The following CAMTA1 variants were observed in gnomAD, a reference collection of about 807,000 sequenced individuals.
CAMTA1 encodes the protein calmodulin binding transcription activator 1, also known as calmodulin-binding transcription activator 1.
CAMTA1 carries 27 observed loss-of-function variants against 170.9 expected under a neutral mutation model. The ratio of observed to expected loss-of-function variants is 0.16; its 90% CI spans 0.12 to 0.22. CAMTA1 has a LOEUF of 0.22. Among genes scored for constraint, CAMTA1 ranks in the 10% least tolerant of loss-of-function variants. CAMTA1 has a pLI of 1.00. For synonymous variants in CAMTA1, 833 were observed against 891.5 expected, an observed-to-expected ratio of 0.93 and a Z score of 1.17; for missense variants, 1,619 against 2,217.2, an observed-to-expected ratio of 0.73 and a Z score of 5.42.
intron 20 of CAMTA1, 54 bp downstream of exon 20, chr1:7,751,446 C>G: frequency 6.9e-7 from 1 of 1,459,814 alleles, no homozygotes; most frequent in South Asian, 1.4e-5. Flanking sequence ...AGAACTCTGA[C>G]TTCTTTGAAA....
chr1:6,905,490 C>T (rs1485113536), intron 3 of CAMTA1, among the ~76,000 whole-genome samples: 4 of 152,116 alleles, frequency 2.6e-5, no homozygotes, highest in East Asian at 3.9e-4. Flanking sequence ...CCACTATGCC[C>T]GGCCTGCTCC....
chr1:7,021,968 C>T (rs1459726400), intron 3 of CAMTA1, among the ~76,000 whole-genome samples: 1 of 152,132 alleles, frequency 6.6e-6, no homozygotes, highest in Non-Finnish European at 1.5e-5. Context: ...ACAGCCCTTG[C>T]ATTTGTCCCA....
At chr1:6,854,637 T>C (rs1414191828) in intron 3 of CAMTA1, among the ~76,000 whole-genome samples, 2 of 152,250 alleles carry the variant, frequency 1.3e-5, no homozygotes, top group Non-Finnish European at 2.9e-5. Context: ...ATTGTTGATT[T>C]ATAGAGTAAA....
intron 3 of CAMTA1, among the ~76,000 whole-genome samples, chr1:6,942,848 G>A (rs1686879981): frequency 1.3e-5 from 2 of 152,174 alleles, no homozygotes; most frequent in South Asian, 4.1e-4. Flanking sequence ...GGCCAGACAC[G>A]ATGTTTGCGT....
intron 3 of CAMTA1, among the ~76,000 whole-genome samples, chr1:7,035,017 A>G (rs1250536594): frequency 6.6e-6 from 1 of 152,226 alleles, no homozygotes. Context: ...GACAACCATC[A>G]TACTTTAGAT....
intron 3 of CAMTA1, among the ~76,000 whole-genome samples, chr1:6,879,124 G>C (rs1230096872): frequency 6.6e-6 from 1 of 152,056 alleles, no homozygotes; most frequent in South Asian, 2.1e-4. Context: ...TGTTATACCG[G>C]GATAAATATA....
intron 17 of CAMTA1, 59 bp from the exon 18 acceptor site, chr1:7,745,786 C>G (rs1558285130): frequency 1.9e-6 from 3 of 1,601,938 alleles, no homozygotes; most frequent in East Asian, 4.5e-5. Flanking sequence ...TCATTAATAT[C>G]TAATGGGTGG....
chr1:7,568,282 T>TCATCATCATCACCACATCAC (rs2095070193), intron 6 of CAMTA1, among the ~76,000 whole-genome samples: 1 of 141,264 alleles, frequency 7.1e-6, no homozygotes, highest in African/African-American at 2.7e-5. Flanking sequence ...ATCATCATCA[T>TCATCATCATCACCACATCAC]CATCATCACC....
At position 7,334,435 on chromosome 1, in the gene CAMTA1, T is replaced by C. The variant is rs185508873; in HGVS notation, c.438+84809T>C. ...CCACCTCCTGGAGGCAGTCAGTTCT[T>C]TTGGATGCGGAAACGGAATTTCTGC... On this transcript the variant is annotated intron_variant, in intron 5 of 22. Transcript: ENST00000303635. Among the ~76,000 whole-genome samples the C allele has an allele frequency of 1.4e-3, 208 of 152,330 alleles. 1 individual carries two copies. Among genetic ancestry groups the C allele is most frequent in the African/African-American group, 4.8e-3 (198 of 41,574 alleles).
At chr1:7,088,918 GA>G (rs1213973787) in intron 3 of CAMTA1, among the ~76,000 whole-genome samples, 5 of 152,218 alleles carry the variant, frequency 3.3e-5, no homozygotes, top group Non-Finnish European at 5.9e-5. Flanking sequence ...AGCCAAATGA[GA>G]ACCAATTGAC....
At chr1:7,369,717 A>G (rs2086290072) in intron 5 of CAMTA1, among the ~76,000 whole-genome samples, 1 of 152,000 alleles carries the variant, frequency 6.6e-6, no homozygotes, top group Admixed American at 6.5e-5. Flanking sequence ...AGCTACCCAC[A>G]TGTCTTCAGC....
At chr1:7,200,342 A>G (rs1231063653) in intron 4 of CAMTA1, among the ~76,000 whole-genome samples, 1 of 152,276 alleles carries the variant, frequency 6.6e-6, no homozygotes, top group Non-Finnish European at 1.5e-5. Flanking sequence ...CAGTACAAAT[A>G]TCAAAGTCAG....
At chr1:7,522,160 A>C (rs974530209) in intron 6 of CAMTA1, among the ~76,000 whole-genome samples, 1 of 152,290 alleles carries the variant, frequency 6.6e-6, no homozygotes, top group Non-Finnish European at 1.5e-5. Flanking sequence ...CCAGCATTTG[A>C]TGTTGTCACT....
intron 11 of CAMTA1, among the ~76,000 whole-genome samples, chr1:7,704,235 G>A (rs2096478355): frequency 6.8e-6 from 1 of 146,704 alleles, no homozygotes; most frequent in Admixed American, 6.8e-5. Flanking sequence ...GCGGAGCTTC[G>A]GGCGGCCCCG....
intron 5 of CAMTA1, among the ~76,000 whole-genome samples, chr1:7,265,541 T>C (rs1407588155): frequency 6.6e-6 from 1 of 152,192 alleles, no homozygotes; most frequent in Non-Finnish European, 1.5e-5. Flanking sequence ...CTCGAACTCC[T>C]GACCTCAAGT....
At chr1:7,025,847 T>C (rs1288376713) in intron 3 of CAMTA1, among the ~76,000 whole-genome samples, 2 of 152,158 alleles carry the variant, frequency 1.3e-5, no homozygotes, top group Non-Finnish European at 1.5e-5. Context: ...CTGGGTAAAA[T>C]TGCTCATGCC....
At chr1:6,816,848 G>A (rs1391538433) in intron 1 of CAMTA1, among the ~76,000 whole-genome samples, 1 of 152,164 alleles carries the variant, frequency 6.6e-6, no homozygotes, top group Non-Finnish European at 1.5e-5. Flanking sequence ...GAAAGTTCCT[G>A]GCCCAGTGTT....
chr1:7,702,030 G>A (rs1216554980), intron 11 of CAMTA1, among the ~76,000 whole-genome samples: 1 of 152,076 alleles, frequency 6.6e-6, no homozygotes, highest in African/African-American at 2.4e-5. Context: ...TCCAAGAAAG[G>A]GACCCAAGGA....
intron 3 of CAMTA1, among the ~76,000 whole-genome samples, chr1:6,953,365 G>A (rs773104357): frequency 3.8e-4 from 58 of 152,228 alleles, no homozygotes; most frequent in Non-Finnish European, 5.4e-4. Flanking sequence ...CCCCGGGAAC[G>A]TGGCCAAGAT....
Sources: gnomAD v4.1 joint callset for allele counts (sites outside exome capture counted in the v4.1 genomes callset) on GRCh38, gnomAD v4.1.1 for gene constraint, MANE v1.5 for transcripts, NCBI Gene and HGNC (gene_info 2026-07-23, HGNC 2026-07-21) for gene names.